THADA: variants seen among roughly 807,000 people sequenced by gnomAD.
THADA encodes THADA armadillo repeat containing.
A neutral mutation model predicts 219.8 loss-of-function variants in THADA; 213 were observed. The ratio of observed to expected loss-of-function variants is 0.97; its 90% CI spans 0.87 to 1.09. The LOEUF (loss-of-function observed/expected upper bound fraction) is 1.09, where lower values mean the gene tolerates loss of function less well. THADA is among the 50% of genes least tolerant of loss of function. THADA has a pLI of 0.00. For synonymous variants in THADA, 1,018 were observed against 828.9 expected, an observed-to-expected ratio of 1.23 and a Z score of -3.92; for missense variants, 2,956 against 2,311.3, an observed-to-expected ratio of 1.28 and a Z score of -5.72.
At chr2:43,371,020 T>C (rs1305062429) in intron 29 of THADA, among the ~76,000 whole-genome samples, 8 of 152,226 alleles carry the variant, frequency 5.3e-5, no homozygotes, top group Admixed American at 1.3e-4. Flanking sequence ...GATTAATGAA[T>C]ATTACATTTC....
intron 36 of THADA, among the ~76,000 whole-genome samples, chr2:43,271,842 T>G (rs966134153): frequency 6.6e-6 from 1 of 152,176 alleles, no homozygotes; most frequent in Admixed American, 6.5e-5. Flanking sequence ...CTCGAACTCC[T>G]GACCTCAGGT....
chr2:43,423,013 T>A (rs1215465137), intron 28 of THADA, among the ~76,000 whole-genome samples: 1 of 152,172 alleles, frequency 6.6e-6, no homozygotes, highest in Non-Finnish European at 1.5e-5. Context: ...ACGAAAAGAA[T>A]CTAGAGAATA....
intron 29 of THADA, among the ~76,000 whole-genome samples, chr2:43,377,391 T>C (rs1254569766): frequency 6.6e-6 from 1 of 152,168 alleles, no homozygotes; most frequent in East Asian, 1.9e-4. Flanking sequence ...ACATAGATTT[T>C]TTTTTTAAGG....
chr2:43,429,131 G>A (rs952967506), intron 27 of THADA, among the ~76,000 whole-genome samples: 4 of 151,386 alleles, frequency 2.6e-5, no homozygotes, highest in African/African-American at 7.3e-5. Flanking sequence ...TTTTTGAGAC[G>A]GAGTATTTTT....
At chr2:43,508,551 T>C (rs1689990172) in intron 23 of THADA, 97 bp downstream of exon 23, 2 of 1,207,674 alleles carry the variant, frequency 1.7e-6, no homozygotes, top group Non-Finnish European at 2.2e-6. Context: ...AAATGTCCTT[T>C]ATGTGTAATA....
intron 3 of THADA, 138 bp from the exon 4 acceptor site, chr2:43,591,092 G>T: frequency 1.4e-6 from 1 of 732,194 alleles, no homozygotes; most frequent in Non-Finnish European, 2.1e-6. Context: ...AGGCTGAGGT[G>T]GGCAGATCGC....
Position 43,541,215 on chromosome 2 carries a change from G to A in THADA, c.3208C>T (p.Leu1070Phe). ...TCTGGCACAGGCTGCATGGGCAGAA[G>A]CTGGCACAACATGCCTAAAAGTAAA... The part of the protein sequence containing the change: ...VALLLGMLCQ[L>F]LPMQPVPESS... Residue 1070 changes from leucine to phenylalanine, a missense_variant, in exon 21 of 38, where the codon CTT becomes TTT. Coordinates refer to ENST00000405975, the MANE Select transcript of THADA (RefSeq NM_022065.5). The A allele has an allele frequency of 1.2e-6, 2 of 1,610,806 alleles. No individual in the cohort carries two copies. The highest frequency in any genetic ancestry group is 2.2e-5 in the South Asian group (2 of 90,238).
At chr2:43,368,809 C>G (rs890963761) in intron 29 of THADA, among the ~76,000 whole-genome samples, 1 of 152,068 alleles carries the variant, frequency 6.6e-6, no homozygotes, top group Non-Finnish European at 1.5e-5. Context: ...ATAGTTTTTT[C>G]TCTTCTCCAG....
chr2:43,580,263 T>C (rs1202055749), intron 8 of THADA, among the ~76,000 whole-genome samples: 2 of 151,896 alleles, frequency 1.3e-5, no homozygotes, highest in African/African-American at 2.4e-5. Context: ...ATGGTCTCAA[T>C]CTCCTGACCT....
At chr2:43,304,760 C>T (rs1380026561) in intron 31 of THADA, among the ~76,000 whole-genome samples, 1 of 151,952 alleles carries the variant, frequency 6.6e-6, no homozygotes, top group Admixed American at 6.5e-5. Context: ...CAACCTCCGC[C>T]TTTCGGGTTC....
chr2:43,532,303 C>T (rs1282293135), intron 21 of THADA, among the ~76,000 whole-genome samples: 2 of 149,846 alleles, frequency 1.3e-5, no homozygotes, highest in African/African-American at 4.9e-5. Context: ...GTCCCAGCTA[C>T]TTGGGAGGCT....
chr2:43,537,809 T>C (rs1694794734), intron 21 of THADA, among the ~76,000 whole-genome samples: 1 of 151,886 alleles, frequency 6.6e-6, no homozygotes, highest in South Asian at 2.1e-4. Flanking sequence ...CTACAAAAAT[T>C]AGCCAGGAGT....
rs902446156 is a variant in THADA at position 43,393,957 on chromosome 2, C to G, written c.4227+4014G>C. On this transcript the variant is annotated intron_variant, in intron 29 of 37. Coordinates refer to ENST00000405975, the MANE Select transcript of THADA (RefSeq NM_022065.5). ...TCCTCAATATAAGATTTTCTGAACT[C>G]CAATATGATTTCTTGAGAGTGATAA... Among the ~76,000 whole-genome samples the G allele has an allele frequency of 2.6e-5, 4 of 152,242 alleles. No individual in the cohort carries two copies. The East Asian group carries it at 7.7e-4, about 29-fold the overall frequency.
intron 36 of THADA, among the ~76,000 whole-genome samples, chr2:43,272,028 C>G (rs947026092): frequency 6.6e-6 from 1 of 152,136 alleles, no homozygotes; most frequent in African/African-American, 2.4e-5. Flanking sequence ...TTACTGTAGT[C>G]TGAGAGGTCA....
At chr2:43,251,455 T>C (rs2104135921) in intron 36 of THADA, among the ~76,000 whole-genome samples, 1 of 152,346 alleles carries the variant, frequency 6.6e-6, no homozygotes, top group African/African-American at 2.4e-5. Context: ...TCCTGTTTCC[T>C]CTCCTTTAAA....
intron 30 of THADA, among the ~76,000 whole-genome samples, chr2:43,332,245 T>G (rs557381495): frequency 6.6e-6 from 1 of 152,272 alleles, no homozygotes. Context: ...GCCACCATGC[T>G]AAAAAATTAA....
At chr2:43,361,798 T>C (rs1418432611) in intron 29 of THADA, among the ~76,000 whole-genome samples, 1 of 152,334 alleles carries the variant, frequency 6.6e-6, no homozygotes, top group South Asian at 2.1e-4. Context: ...AAGGTTGCCC[T>C]TTTTATCATA....
chr2:43,537,791 T>TCC (rs1694792245), intron 21 of THADA, among the ~76,000 whole-genome samples: 1 of 150,250 alleles, frequency 6.7e-6, no homozygotes, highest in South Asian at 2.1e-4. Flanking sequence ...CATGGTGAGA[T>TCC]CCCGTCTCTA....
At chr2:43,237,945 C>T (rs1668220918) in intron 36 of THADA, among the ~76,000 whole-genome samples, 1 of 149,532 alleles carries the variant, frequency 6.7e-6, no homozygotes, top group Non-Finnish European at 1.5e-5. Context: ...AGGGTGAAAC[C>T]CTGTCTCTAC....
Sources: allele counts gnomAD v4.1 joint callset (sites outside exome capture counted in the v4.1 genomes callset), GRCh38; gene constraint gnomAD v4.1.1; transcripts MANE v1.5; gene names NCBI Gene and HGNC (gene_info 2026-07-23, HGNC 2026-07-21).